The following MAPKAP1 variants were observed in gnomAD, a reference collection of about 807,000 sequenced individuals.
MAPKAP1 encodes the protein target of rapamycin complex 2 subunit MAPKAP1.
A neutral mutation model predicts 65.7 loss-of-function variants in MAPKAP1; 20 were observed. The observed-to-expected ratio is 0.30, with a 90% CI of 0.21 to 0.44. MAPKAP1 has a LOEUF of 0.44. Among genes scored for constraint, MAPKAP1 ranks in the 20% least tolerant of loss-of-function variants. The probability of loss-of-function intolerance (pLI) is 1.00; values close to 1 mark genes in which losing one functional copy is unlikely to be tolerated. For missense variants in MAPKAP1, 423 were observed against 648.0 expected (o/e 0.65, Z 3.77); for synonymous variants, 222 against 244.3 (o/e 0.91, Z 0.85).
At chr9:125,535,994 C>G (rs967102743) in intron 7 of MAPKAP1, among the ~76,000 whole-genome samples, 2 of 152,186 alleles carry the variant, frequency 1.3e-5, no homozygotes, top group Non-Finnish European at 2.9e-5. Context: ...AAAGGAACTT[C>G]TGAAAGATTA....
At chr9:125,449,779 G>A (rs1033912290) in intron 10 of MAPKAP1, among the ~76,000 whole-genome samples, 62 of 152,138 alleles carry the variant, frequency 4.1e-4, no homozygotes, top group Admixed American at 3.1e-3. Context: ...TTCAGGGGGC[G>A]TGGCCATGTT....
At chr9:125,508,438 TAAAC>T (rs1208574944) in intron 7 of MAPKAP1, among the ~76,000 whole-genome samples, 1 of 152,208 alleles carries the variant, frequency 6.6e-6, no homozygotes, top group African/African-American at 2.4e-5. Context: ...AATGGCCTAT[TAAAC>T]AATCTCTGAC....
intron 11 of MAPKAP1, among the ~76,000 whole-genome samples, chr9:125,443,993 C>T (rs1852601230): frequency 6.6e-6 from 1 of 152,096 alleles, no homozygotes; most frequent in Admixed American, 6.6e-5. Context: ...CCGTGGCATC[C>T]CAGGCCGTGG....
rs1406430497 is a variant in MAPKAP1 at position 125,438,239 on chromosome 9, G to A, written c.*648C>T. ...CTGAAGGGGAAAGTGACACGGCCTT[G>A]GACACACCACTAGGTCTCTGTTCCT... On this transcript the variant is annotated 3_prime_UTR_variant, in exon 12 of 12. Transcript: ENST00000265960. 3 of 396,422 alleles carry A rather than the reference G, an allele frequency of 7.6e-6. No homozygotes were observed. The highest frequency in any genetic ancestry group is 6.2e-5 in the African/African-American group (3 of 48,560). 24.6% of individuals were successfully genotyped at this position (396,422 alleles called of 1,614,324 possible).
chr9:125,600,866 T>C (rs1417070017), intron 4 of MAPKAP1, among the ~76,000 whole-genome samples: 2 of 152,180 alleles, frequency 1.3e-5, no homozygotes, highest in Non-Finnish European at 2.9e-5. Flanking sequence ...CATTTAACTA[T>C]ACAAACAATA....
chr9:125,651,650 C>T (rs979783867), intron 4 of MAPKAP1, among the ~76,000 whole-genome samples: 2 of 152,088 alleles, frequency 1.3e-5, no homozygotes, highest in African/African-American at 2.4e-5. Context: ...AGCCACTGAA[C>T]AACTGAGACG....
intron 4 of MAPKAP1, among the ~76,000 whole-genome samples, chr9:125,637,188 G>A (rs1455166144): frequency 1.3e-5 from 2 of 151,996 alleles, no homozygotes; most frequent in African/African-American, 4.8e-5. Flanking sequence ...AGAATCACTT[G>A]AACCCAGGAG....
chr9:125,653,659 G>C (rs2131742973), intron 4 of MAPKAP1, among the ~76,000 whole-genome samples: 1 of 152,314 alleles, frequency 6.6e-6, no homozygotes, highest in South Asian at 2.1e-4. Flanking sequence ...AGCTTCATGA[G>C]GTTAAGTAGC....
chr9:125,469,268 T>C (rs1216497821), intron 9 of MAPKAP1, among the ~76,000 whole-genome samples: 1 of 152,060 alleles, frequency 6.6e-6, no homozygotes, highest in Non-Finnish European at 1.5e-5. Context: ...ATCCTACGAA[T>C]CACACTCAAA....
intron 7 of MAPKAP1, among the ~76,000 whole-genome samples, chr9:125,538,189 T>C (rs1830127302): frequency 6.6e-6 from 1 of 152,204 alleles, no homozygotes; most frequent in Non-Finnish European, 1.5e-5. Flanking sequence ...CTCTGACTCA[T>C]ATTTTAAAAT....
intron 10 of MAPKAP1, among the ~76,000 whole-genome samples, chr9:125,466,549 G>A (rs1191156368): frequency 6.6e-6 from 1 of 152,178 alleles, no homozygotes; most frequent in Non-Finnish European, 1.5e-5. Flanking sequence ...TAAGTTCTTG[G>A]AGAGAAAGAT....
At chr9:125,694,671 G>A (rs1418162660) in intron 1 of MAPKAP1, among the ~76,000 whole-genome samples, 1 of 152,156 alleles carries the variant, frequency 6.6e-6, no homozygotes, top group East Asian at 1.9e-4. Flanking sequence ...CTCACCAAGT[G>A]AAGGTTACTG....
chr9:125,556,517 T>G (rs944547687), intron 6 of MAPKAP1, among the ~76,000 whole-genome samples: 25 of 152,192 alleles, frequency 1.6e-4, no homozygotes, highest in African/African-American at 6.0e-4. Flanking sequence ...TGGGCTATTT[T>G]GGGATTAAGT....
At chr9:125,521,177 C>T (rs569925113) in intron 7 of MAPKAP1, among the ~76,000 whole-genome samples, 11 of 152,310 alleles carry the variant, frequency 7.2e-5, no homozygotes, top group African/African-American at 7.2e-5. Flanking sequence ...TGCTTGAAGG[C>T]GCAGACCCTT....
chr9:125,658,965 T>C (rs1396318506), intron 3 of MAPKAP1, among the ~76,000 whole-genome samples: 2 of 152,098 alleles, frequency 1.3e-5, no homozygotes, highest in African/African-American at 4.8e-5. Context: ...AAAATGTAAC[T>C]GCAGCTGGGC....
intron 5 of MAPKAP1, among the ~76,000 whole-genome samples, chr9:125,580,737 TTGTG>T (rs377739757): frequency 3.3e-5 from 5 of 151,280 alleles, no homozygotes; most frequent in Admixed American, 2.0e-4. Context: ...TTACATGTAC[TTGTG>T]TGTGTGTGTG....
At chr9:125,677,455 G>A (rs774248414) in intron 1 of MAPKAP1, among the ~76,000 whole-genome samples, 4 of 152,068 alleles carry the variant, frequency 2.6e-5, no homozygotes, top group African/African-American at 4.8e-5. Context: ...CAGCACTTTG[G>A]GGGGCCAAGG....
chr9:125,473,663 C>T (rs1854005072), intron 9 of MAPKAP1, among the ~76,000 whole-genome samples: 1 of 152,182 alleles, frequency 6.6e-6, no homozygotes, highest in African/African-American at 2.4e-5. Context: ...AGGAAATTAG[C>T]ACCGCGTAGC....
intron 7 of MAPKAP1, among the ~76,000 whole-genome samples, chr9:125,515,936 T>C (rs1213528471): frequency 1.3e-5 from 2 of 152,214 alleles, no homozygotes; most frequent in African/African-American, 4.8e-5. Flanking sequence ...TATCTAAGGC[T>C]TGGCTGAAAC....
Sources: gnomAD v4.1 joint callset for allele counts (sites outside exome capture counted in the v4.1 genomes callset) on GRCh38, gnomAD v4.1.1 for gene constraint, MANE v1.5 for transcripts, NCBI Gene and HGNC (gene_info 2026-07-23, HGNC 2026-07-21) for gene names.